Variants in INTS4 observed in about 807,000 individuals in gnomAD.
INTS4 encodes integrator complex subunit 4, also known as MSTP093.
A neutral mutation model predicts 119.5 loss-of-function variants in INTS4; 70 were observed. That is an observed-to-expected ratio of 0.59 (90% CI 0.48 to 0.71). The LOEUF is 0.71. Ranked by LOEUF, INTS4 falls within the 30% of genes least tolerant of loss-of-function variation. The pLI is 0.00. For synonymous variants in INTS4, 316 were observed against 419.6 expected, an observed-to-expected ratio of 0.75 and a Z score of 3.02; for missense variants, 867 against 1,173.2, an observed-to-expected ratio of 0.74 and a Z score of 3.81.
chr11:77,935,907 A>AAAGAAAAGAAAGAGAGAAAT (rs1953779131), intron 10 of INTS4, among the ~76,000 whole-genome samples: 1 of 140,474 alleles, frequency 7.1e-6, no homozygotes, highest in Admixed American at 7.2e-5. Context: ...AAAAAAAAAA[A>AAAGAAAAGAAAGAGAGAAAT]AAGAAAAGAA....
intron 4 of INTS4, among the ~76,000 whole-genome samples, chr11:77,971,409 A>G (rs1186952199): frequency 6.6e-6 from 1 of 152,008 alleles, no homozygotes; most frequent in Non-Finnish European, 1.5e-5. Context: ...CACTTTGGGA[A>G]GCCAAGGTGC....
chr11:77,979,116 T>C lies in INTS4; in HGVS notation c.365-14A>G, dbSNP rs138189686. The C allele has an allele frequency of 4.8e-4, 731 of 1,536,170 alleles. No individual in the cohort carries two copies. The highest frequency in any genetic ancestry group is 2.5e-3 in the African/African-American group (185 of 73,286). ...CTTGATGAGACTCTAGAGAGGGAGA[T>C]AGAAAGTTGGCTTGTAGAATTTCGA... On this transcript the variant is annotated splice_polypyrimidine_tract_variant and intron_variant, in intron 3 of 22. Coordinates refer to ENST00000534064, the MANE Select transcript of INTS4 (RefSeq NM_033547.4).
rs537501540 is a variant in INTS4 at position 77,955,729 on chromosome 11, C to T, written c.918+213G>A. Among the ~76,000 whole-genome samples the T allele has an allele frequency of 3.3e-5, 5 of 152,222 alleles. No homozygotes were observed. In the South Asian group the frequency reaches 1.0e-3, roughly 32 times the overall value. On this transcript the variant is annotated intron_variant, in intron 8 of 22. Transcript: ENST00000534064. ...CAGGATGGTCTCAATCTCCTGACCT[C>T]GTGATCCGCCTGCCTTGGCCTCCCA... is the stretch of plus-strand genomic sequence containing the variant.
intron 2 of INTS4, among the ~76,000 whole-genome samples, chr11:77,986,538 G>GT (rs1249996569): frequency 8.5e-5 from 13 of 152,120 alleles, no homozygotes; most frequent in African/African-American, 3.1e-4. Context: ...ACATGTGCAC[G>GT]TATGTTTATT....
rs1010853364 is a variant in INTS4, at chr11:77,960,900, T to C, written c.657+53A>G. Reference sequence around the variant, plus strand: ...ATCCAAGGCAGCACTAGCTATAAACTTAAAAAACAAAAATGAACACTAGCC... The same window carrying C: ...ATCCAAGGCAGCACTAGCTATAAACCTAAAAAACAAAAATGAACACTAGCC... On this transcript the variant is annotated intron_variant, in intron 5 of 22. Coordinates refer to ENST00000534064, the MANE Select transcript of INTS4 (RefSeq NM_033547.4). 4 of 1,527,370 alleles carry C rather than the reference T, an allele frequency of 2.6e-6. No homozygotes were observed. The Admixed American group carries it at 7.8e-5, about 30-fold the overall frequency. 94.6% of individuals were successfully genotyped at this position (1,527,370 alleles called of 1,614,324 possible).
Position 77,924,798 on chromosome 11 carries a change from A to C in INTS4, c.1466T>G (p.Leu489Arg). The C allele has an allele frequency of 6.2e-7, 1 of 1,604,918 alleles. No individual in the cohort carries two copies. The highest frequency in any genetic ancestry group is 1.7e-5 in the Admixed American group (1 of 60,008). Residue 489 changes from leucine (L) to arginine (R), a missense_variant, in exon 12 of 23, where the codon CTG becomes CGG. By Grantham distance (102) the Leu-to-Arg change is moderately radical (BLOSUM62 -2). Coordinates refer to ENST00000534064, the MANE Select transcript of INTS4 (RefSeq NM_033547.4). The stretch of plus-strand genomic sequence containing the variant: ...AGGGTACTTGGTTAAATTTTTCAGC[A>C]GCTCCACCAATGCAAGATGAATCCC... Reference protein sequence around the residue: ...KEGIHLALVELLKNLTKYPTD... With the variant: ...KEGIHLALVERLKNLTKYPTD...
At chr11:77,932,962 G>C (rs1295338187) in intron 10 of INTS4, among the ~76,000 whole-genome samples, 1 of 146,230 alleles carries the variant, frequency 6.8e-6, no homozygotes, top group Non-Finnish European at 1.5e-5. Flanking sequence ...CTGTCAGGGG[G>C]TGGGGGGCTG....
chr11:77,876,415 TC>T (rs1252576606), downstream of INTS4, among the ~76,000 whole-genome samples: 2 of 151,872 alleles, frequency 1.3e-5, no homozygotes, highest in African/African-American at 4.8e-5. Context: ...TTTTTTTTTT[TC>T]ACTTCAGTGA....
At chr11:77,892,229 A>T (rs535782743) in intron 19 of INTS4, among the ~76,000 whole-genome samples, 1 of 152,302 alleles carries the variant, frequency 6.6e-6, no homozygotes, top group Non-Finnish European at 1.5e-5. Flanking sequence ...ACGGAAGAGA[A>T]AAAAACGATT....
At chr11:77,986,754 G>A (rs748363585) in intron 2 of INTS4, among the ~76,000 whole-genome samples, 4 of 151,284 alleles carry the variant, frequency 2.6e-5, no homozygotes, top group South Asian at 2.1e-4. Flanking sequence ...ACCAAACACC[G>A]CATGTTCTCA....
intron 12 of INTS4, among the ~76,000 whole-genome samples, chr11:77,923,156 A>C (rs893510104): frequency 1.3e-5 from 2 of 152,074 alleles, no homozygotes; most frequent in African/African-American, 4.8e-5. Context: ...CATCTCTGCT[A>C]AAAATACAAA....
intron 22 of INTS4, among the ~76,000 whole-genome samples, chr11:77,879,415 T>G (rs541035467): frequency 3.3e-5 from 5 of 152,362 alleles, no homozygotes; most frequent in African/African-American, 9.6e-5. Context: ...ATCTGCTTTA[T>G]GAACTGGGCT....
intron 3 of INTS4, among the ~76,000 whole-genome samples, chr11:77,979,704 C>T (rs113579277): frequency 1.3e-5 from 2 of 149,232 alleles, no homozygotes; most frequent in South Asian, 2.1e-4. Flanking sequence ...AGGCCAGGCA[C>T]GGTGGTGGCT....
At chr11:77,913,731 G>A (rs189171190) in intron 15 of INTS4, among the ~76,000 whole-genome samples, 434 of 152,334 alleles carry the variant, frequency 2.8e-3, no homozygotes, top group Non-Finnish European at 4.7e-3. Flanking sequence ...TTCTACAGGT[G>A]CAAGCCACAG....
intron 7 of INTS4, among the ~76,000 whole-genome samples, chr11:77,957,017 G>A (rs560149369): frequency 1.2e-3 from 179 of 152,124 alleles, no homozygotes; most frequent in African/African-American, 4.1e-3. Flanking sequence ...TCACCACAGT[G>A]TCAACTTCCT....
intron 2 of INTS4, among the ~76,000 whole-genome samples, chr11:77,989,356 G>A (rs1273779827): frequency 2.0e-5 from 3 of 151,862 alleles, no homozygotes; most frequent in Non-Finnish European, 1.5e-5. Context: ...GCGTGATGGC[G>A]CACTCCTGTA....
intron 4 of INTS4, among the ~76,000 whole-genome samples, chr11:77,975,161 A>G (rs1056453948): frequency 1.3e-4 from 20 of 150,532 alleles, no homozygotes; most frequent in Non-Finnish European, 7.4e-5. Context: ...TTTTTCCAGC[A>G]TCTTAAGTTG....
chr11:77,906,118 G>A (rs150306864), intron 16 of INTS4, among the ~76,000 whole-genome samples: 1,660 of 152,088 alleles, frequency 0.011, 10 homozygotes, highest in Non-Finnish European at 0.018. Flanking sequence ...TAGACCTTAG[G>A]GATTTTAGTC....
intron 3 of INTS4, 151 bp downstream of exon 3, chr11:77,981,308 C>T (rs1023577068): frequency 5.5e-6 from 2 of 366,670 alleles, no homozygotes; most frequent in Non-Finnish European, 9.8e-6. Flanking sequence ...TGTATTTCTA[C>T]TCTAATGTAA....
Sources: allele counts gnomAD v4.1 joint callset (sites outside exome capture counted in the v4.1 genomes callset), GRCh38; gene constraint gnomAD v4.1.1; transcripts MANE v1.5; gene names NCBI Gene and HGNC (gene_info 2026-07-23, HGNC 2026-07-21).